STAB2: variants seen among roughly 807,000 people sequenced by gnomAD.
The protein encoded by STAB2 is stabilin 2, also known as stabilin-2.
Under a neutral mutation model 338.1 loss-of-function variants are expected in STAB2, and 288 were observed. The observed-to-expected ratio is 0.85, with a 90% CI of 0.77 to 0.94. The LOEUF (loss-of-function observed/expected upper bound fraction) is 0.94, where lower values mean the gene tolerates loss of function less well. Ranked by LOEUF, STAB2 falls within the 40% of genes least tolerant of loss-of-function variation. The pLI is 0.00. For synonymous variants in STAB2, 1,202 were observed against 1,193.3 expected (o/e 1.01, Z -0.15); for missense variants, 3,141 against 3,210.1 (o/e 0.98, Z 0.52).
intron 34 of STAB2, among the ~76,000 whole-genome samples, chr12:103,701,928 A>G (rs560122791): frequency 6.6e-6 from 1 of 151,570 alleles, no homozygotes; most frequent in East Asian, 1.9e-4. Context: ...ATTTTAAACC[A>G]TTGTTGGATC....
intron 1 of STAB2, among the ~76,000 whole-genome samples, chr12:103,588,842 A>G (rs1225459832): frequency 6.6e-6 from 1 of 152,130 alleles, no homozygotes; most frequent in East Asian, 1.9e-4. Context: ...TTCAAACTCT[A>G]TCTAAGTGTA....
In STAB2 at chr12:103,740,774, C is replaced by T. The variant is rs764878534; in HGVS notation, c.5881+18C>T. 6.4e-7 allele frequency: 1 copy of T among 1,554,682 alleles called. No homozygotes were observed. Among genetic ancestry groups the T allele is most frequent in the Admixed American group, 2.2e-5 (1 of 44,870 alleles). ...CTGTCAGGGTGAGGGTGCCTCTTCC[C>T]CCCTCGCAACTCTAAAAGTGGTAAT... On this transcript the variant is annotated intron_variant, in intron 55 of 68. Transcript: ENST00000388887.
At chr12:103,729,879 CAT>C (rs1881497916) in intron 48 of STAB2, among the ~76,000 whole-genome samples, 1 of 152,152 alleles carries the variant, frequency 6.6e-6, no homozygotes, top group Non-Finnish European at 1.5e-5. Flanking sequence ...ATTGGAGAAT[CAT>C]ATTGAAATTA....
intron 18 of STAB2, among the ~76,000 whole-genome samples, chr12:103,666,059 G>A (rs1004980209): frequency 1.4e-4 from 22 of 152,312 alleles, no homozygotes; most frequent in African/African-American, 5.1e-4. Flanking sequence ...GCTGCTCTGA[G>A]CAGGCTCAGT....
At chr12:103,618,724 T>G (rs1385058126) in intron 3 of STAB2, among the ~76,000 whole-genome samples, 1 of 152,200 alleles carries the variant, frequency 6.6e-6, no homozygotes, top group Non-Finnish European at 1.5e-5. Context: ...TGTTTCCTCA[T>G]CTAGAAAGTA....
intron 12 of STAB2, among the ~76,000 whole-genome samples, chr12:103,653,843 GAT>G (rs1873965789): frequency 1.9e-4 from 4 of 21,386 alleles, no homozygotes; most frequent in Admixed American, 4.5e-4. Context: ...CGGATGGGTG[GAT>G]GGATGGATGG....
At chr12:103,697,519 C>CA (rs1275105129) in intron 33 of STAB2, among the ~76,000 whole-genome samples, 9 of 152,200 alleles carry the variant, frequency 5.9e-5, no homozygotes, top group Non-Finnish European at 1.2e-4. Flanking sequence ...GTCACAAACT[C>CA]AGTCTCAGCT....
intron 12 of STAB2, among the ~76,000 whole-genome samples, chr12:103,653,320 G>C (rs1187617731): frequency 6.6e-6 from 1 of 152,168 alleles, no homozygotes; most frequent in African/African-American, 2.4e-5. Context: ...ATCCTTGAGT[G>C]CTTGTTCTAA....
At chr12:103,702,016 ACACACACC>A in intron 34 of STAB2, among the ~76,000 whole-genome samples, 1 of 111,910 alleles carries the variant, frequency 8.9e-6, no homozygotes, top group African/African-American at 3.0e-5. Context: ...ACACACACAC[ACACACACC>A]CCACCCCAAT....
At chr12:103,685,894 A>G (rs1877385293) in intron 27 of STAB2, among the ~76,000 whole-genome samples, 1 of 151,666 alleles carries the variant, frequency 6.6e-6, no homozygotes, top group Non-Finnish European at 1.5e-5. Context: ...TATATTCTTT[A>G]TTTTCTTTTC....
At chr12:103,705,456 C>T (rs1007024681) in intron 36 of STAB2, among the ~76,000 whole-genome samples, 176 bp from the exon 37 acceptor site, 2 of 152,234 alleles carry the variant, frequency 1.3e-5, no homozygotes, top group Non-Finnish European at 2.9e-5. Flanking sequence ...ATTCCGGCAA[C>T]CAACATTGTG....
intron 10 of STAB2, 73 bp downstream of exon 10, chr12:103,648,896 T>C: frequency 6.4e-7 from 1 of 1,567,892 alleles, no homozygotes; most frequent in Non-Finnish European, 8.6e-7. Flanking sequence ...GATACAATGA[T>C]TCAGAAAGGG....
At chr12:103,758,111 C>G in intron 63 of STAB2, 59 bp from the exon 64 acceptor site, 1 of 1,606,026 alleles carries the variant, frequency 6.2e-7, no homozygotes, top group Non-Finnish European at 8.5e-7. Flanking sequence ...CCTTCTTCAG[C>G]CACCCAGGTC....
At chr12:103,594,363 C>T (rs201792823) in intron 2 of STAB2, 32 bp from the exon 3 acceptor site, 23 of 1,536,492 alleles carry the variant, frequency 1.5e-5, no homozygotes, top group Admixed American at 6.7e-5. Context: ...TTGCTCTTAT[C>T]GTGGGTTAAT....
At chr12:103,765,723 G>A (rs1291379983) in intron 68 of STAB2, among the ~76,000 whole-genome samples, 2 of 143,576 alleles carry the variant, frequency 1.4e-5, no homozygotes, top group Non-Finnish European at 3.1e-5. Flanking sequence ...TGTATTTTTT[G>A]TAGAGATAAG....
intron 5 of STAB2, among the ~76,000 whole-genome samples, chr12:103,629,603 C>G (rs1017305429): frequency 1.3e-5 from 2 of 152,098 alleles, no homozygotes; most frequent in Non-Finnish European, 2.9e-5. Flanking sequence ...TTGAAGGATT[C>G]CAGTTAGCAC....
chr12:103,717,679 C>T (rs529082072), intron 43 of STAB2, 91 bp from the exon 44 acceptor site: 19 of 1,022,004 alleles, frequency 1.9e-5, no homozygotes, highest in Middle Eastern at 2.1e-4. Flanking sequence ...ATTACCATGA[C>T]CATGATGGAG....
chr12:103,724,385 C>T (rs1402428546), intron 44 of STAB2, among the ~76,000 whole-genome samples: 1 of 152,104 alleles, frequency 6.6e-6, no homozygotes, highest in Non-Finnish European at 1.5e-5. Flanking sequence ...TTTGAGAAAG[C>T]ACGGGGAAGG....
Position 103,758,449 on chromosome 12 carries a change from C to CGGGT in STAB2, c.7107+161_7107+164dup, listed in dbSNP as rs3834932. Among the ~76,000 whole-genome samples the CGGGT allele has an allele frequency of 9.8e-3, 1,489 of 152,354 alleles. 44 individuals are homozygous for CGGGT. The highest frequency in any genetic ancestry group is 0.097 in the East Asian group (504 of 5,182). ...GCCACTCCCTTGGTCTTGGCACACT[C>CGGGT]GGGTCTGAGACCAGCTGTCAGCTGC... is the stretch of plus-strand genomic sequence containing the variant. On this transcript the variant is annotated intron_variant, in intron 64 of 68. Coordinates refer to ENST00000388887, the MANE Select transcript of STAB2 (RefSeq NM_017564.10).
Sources: gnomAD v4.1 joint callset for allele counts (sites outside exome capture counted in the v4.1 genomes callset) on GRCh38, gnomAD v4.1.1 for gene constraint, MANE v1.5 for transcripts, NCBI Gene and HGNC (gene_info 2026-07-23, HGNC 2026-07-21) for gene names.